The following NAALAD2 variants were observed in gnomAD, a reference collection of about 807,000 sequenced individuals.
The protein encoded by NAALAD2 is N-acetylated-alpha-linked acidic dipeptidase 2.
Under a neutral mutation model 95.6 loss-of-function variants are expected in NAALAD2, and 89 were observed. That is an observed-to-expected ratio of 0.93 (90% CI 0.78 to 1.11). The LOEUF (loss-of-function observed/expected upper bound fraction) is 1.11, where lower values mean the gene tolerates loss of function less well. Ranked by LOEUF, NAALAD2 falls within the 50% of genes least tolerant of loss-of-function variation. The pLI, the probability that NAALAD2 is intolerant of heterozygous loss-of-function variation, is 0.00. For synonymous variants in NAALAD2, 264 were observed against 294.4 expected (o/e 0.90, Z 1.06); for missense variants, 894 against 872.4 (o/e 1.02, Z -0.31).
chr11:90,191,459 AAGTG>A (rs1857323528), intron 18 of NAALAD2, 95 bp from the exon 19 acceptor site: 4 of 774,700 alleles, frequency 5.2e-6, no homozygotes, highest in Admixed American at 3.4e-5. Context: ...ATAGGAACAA[AAGTG>A]AGTATCACAA....
At chr11:90,134,885 C>A (rs754801586) in intron 1 of NAALAD2, 45 bp downstream of exon 1, 1 of 1,595,858 alleles carries the variant, frequency 6.3e-7, no homozygotes, top group South Asian at 1.1e-5. Flanking sequence ...GCTCGTGATT[C>A]TCTGCAGAGA....
rs1952091405 is a variant in NAALAD2 at position 90,155,735 on chromosome 11, A to ATATGTATGTATTATTACATATG, written c.797-2402_797-2381dup. Among the ~76,000 whole-genome samples the ATATGTATGTATTATTACATATG allele has an allele frequency of 8.1e-5, 4 of 49,184 alleles. No homozygotes were observed. In the Admixed American group the frequency reaches 1.2e-3, roughly 15 times the overall value. 32.3% of individuals were successfully genotyped at this position (49,184 alleles called of 152,430 possible). On this transcript the variant is annotated intron_variant, in intron 6 of 18. Transcript: ENST00000534061. ...TTGTATGTATGTAATACATACATAC[A>ATATGTATGTATTATTACATATG]TATGTATGTATTATTACATATGTAT...
intron 11 of NAALAD2, among the ~76,000 whole-genome samples, chr11:90,168,322 C>T (rs1013121981): frequency 1.3e-5 from 2 of 152,204 alleles, no homozygotes; most frequent in Non-Finnish European, 2.9e-5. Context: ...GGGTCCGCGG[C>T]TTCATTCTTG....
chr11:90,150,644 GAT>G, intron 5 of NAALAD2, 37 bp downstream of exon 5: 3 of 1,508,268 alleles, frequency 2.0e-6, no homozygotes, highest in South Asian at 1.3e-5. Flanking sequence ...AGAATGAGAG[GAT>G]ATATATATTC....
chr11:90,185,040 G>A (rs947193530), intron 18 of NAALAD2, among the ~76,000 whole-genome samples: 2 of 152,014 alleles, frequency 1.3e-5, no homozygotes, highest in African/African-American at 4.8e-5. Flanking sequence ...CAAATAGTAA[G>A]CCATTTTATA....
chr11:90,176,958 CTG>C (rs1203610573), intron 15 of NAALAD2, among the ~76,000 whole-genome samples: 1 of 152,152 alleles, frequency 6.6e-6, no homozygotes, highest in African/African-American at 2.4e-5. Context: ...CTTTTATACT[CTG>C]TCTTCTGTAA....
At chr11:90,174,012 C>A in intron 14 of NAALAD2, 97 bp downstream of exon 14, 1 of 858,098 alleles carries the variant, frequency 1.2e-6, no homozygotes. Context: ...AGCGTCTCAT[C>A]AATAATTTGA....
intron 2 of NAALAD2, among the ~76,000 whole-genome samples, chr11:90,139,280 A>G (rs994242244): frequency 1.1e-4 from 16 of 151,974 alleles, no homozygotes; most frequent in Admixed American, 2.0e-4. Flanking sequence ...TTTCCATTCA[A>G]GGCTTGGGGG....
At chr11:90,166,320 T>A (rs1565533401) in intron 11 of NAALAD2, among the ~76,000 whole-genome samples, 3 of 151,508 alleles carry the variant, frequency 2.0e-5, no homozygotes. Flanking sequence ...TGTATGTGTA[T>A]GAGAGAGAGA....
intron 11 of NAALAD2, among the ~76,000 whole-genome samples, chr11:90,165,164 G>A (rs527617907): frequency 5.9e-5 from 9 of 152,204 alleles, no homozygotes; most frequent in African/African-American, 1.7e-4. Flanking sequence ...CATTTTTTAC[G>A]ACTGTGTAGT....
chr11:90,185,664 T>G (rs551961068), intron 18 of NAALAD2, among the ~76,000 whole-genome samples: 7 of 152,162 alleles, frequency 4.6e-5, no homozygotes, highest in Non-Finnish European at 7.3e-5. Context: ...AAGATTTTTT[T>G]TCATTTTTTT....
chr11:90,162,951 A>C lies in NAALAD2; in HGVS notation c.992A>C (p.Lys331Thr). The change falls in exon 9 of 19, where the codon AAG becomes ACG. Residue 331 changes from lysine to threonine, a missense_variant and splice_region_variant. Transcript: ENST00000534061. Reference protein sequence around the residue: ...PGFTGSDSFRKVRMHVYNINK... With the variant: ...PGFTGSDSFRTVRMHVYNINK... ...ATTTATTCCTTTTAAAATTCTAGGA[A>C]GGTTAGAATGCATGTTTATAACATC... 1 of 1,471,298 alleles carries C rather than the reference A, an allele frequency of 6.8e-7. No individual in the cohort carries two copies. Among genetic ancestry groups the C allele is most frequent in the Non-Finnish European group, 9.3e-7 (1 of 1,070,302 alleles). The allele number at this position is 1,471,298 out of a possible 1,614,324, so 91.1% of individuals were successfully genotyped here. A position where few individuals can be genotyped will look rare whatever the true frequency, so the allele number is the denominator to read the frequency against.
At chr11:90,154,619 A>G (rs891840971) in intron 6 of NAALAD2, among the ~76,000 whole-genome samples, 10 of 151,574 alleles carry the variant, frequency 6.6e-5, no homozygotes, top group Admixed American at 4.0e-4. Context: ...GTCATTTGGT[A>G]TCAAAGAAAT....
intron 11 of NAALAD2, chr11:90,164,179 A>T (rs1362943849): frequency 1.3e-5 from 2 of 153,004 alleles, no homozygotes; most frequent in African/African-American, 4.8e-5. Context: ...TACTTTAATA[A>T]ATTGACCTGC....
At chr11:90,142,776 T>C (rs1951651852) in intron 2 of NAALAD2, among the ~76,000 whole-genome samples, 1 of 152,264 alleles carries the variant, frequency 6.6e-6, no homozygotes, top group Non-Finnish European at 1.5e-5. Flanking sequence ...CTGTTTTCTT[T>C]CTGTACCTTT....
chr11:90,182,965 G>T lies in NAALAD2; in HGVS notation c.1990G>T (p.Ala664Ser). 2 of 1,612,730 alleles carry T rather than the reference G, an allele frequency of 1.2e-6. No homozygotes were observed. The highest frequency in any genetic ancestry group is 1.7e-6 in the Non-Finnish European group (2 of 1,178,958). ...TGACCAACTGATGCTCCTGGAAAGAGCATTCATCGATCCTCTTGGTTTACC... is the reference window on the plus strand; with the variant it reads ...TGACCAACTGATGCTCCTGGAAAGATCATTCATCGATCCTCTTGGTTTACC... ...MNDQLMLLER[A>S]FIDPLGLPGK... is the part of the protein sequence containing the mutation. Residue 664 changes from alanine (A) to serine (S), a missense_variant, in exon 18 of 19, where the codon GCA becomes TCA. Transcript: ENST00000534061.
rs1952968376 is a variant in NAALAD2, at chr11:90,181,556, G to A, written c.1859-64G>A. The A allele has an allele frequency of 6.4e-6, 7 of 1,090,536 alleles. No homozygotes were observed. In the South Asian group the frequency reaches 9.1e-5, roughly 14 times the overall value. 67.6% of individuals were successfully genotyped at this position (1,090,536 alleles called of 1,614,324 possible). A position where few individuals can be genotyped will look rare whatever the true frequency, so the allele number is the denominator to read the frequency against. Reference sequence around the variant, plus strand: ...GGTCATATCAATCTGGAATGGGGAGGGTGGGAAAGCGAACCTCTGAAATAT... The same window carrying A: ...GGTCATATCAATCTGGAATGGGGAGAGTGGGAAAGCGAACCTCTGAAATAT... On this transcript the variant is annotated intron_variant, in intron 16 of 18. Coordinates refer to ENST00000534061, the MANE Select transcript of NAALAD2 (RefSeq NM_005467.4).
intron 1 of NAALAD2, chr11:90,135,171 C>A (rs1345396061): frequency 6.2e-6 from 2 of 320,592 alleles, no homozygotes; most frequent in Non-Finnish European, 1.1e-5. Flanking sequence ...TCAACTAATA[C>A]GGGCAGCATT....
intron 11 of NAALAD2, among the ~76,000 whole-genome samples, chr11:90,166,420 T>C (rs1426079027): frequency 6.6e-6 from 1 of 152,200 alleles, no homozygotes; most frequent in African/African-American, 2.4e-5. Context: ...ATAGTAAATA[T>C]AAACAAATGG....
Sources: gnomAD v4.1 joint callset for allele counts (sites outside exome capture counted in the v4.1 genomes callset) on GRCh38, gnomAD v4.1.1 for gene constraint, MANE v1.5 for transcripts, NCBI Gene and HGNC (gene_info 2026-07-23, HGNC 2026-07-21) for gene names.